The following R3HDM1 variants were observed in gnomAD, a reference collection of about 807,000 sequenced individuals.
R3HDM1 encodes R3H domain containing 1.
Under a neutral mutation model 141.1 loss-of-function variants are expected in R3HDM1, and 46 were observed. The ratio of observed to expected loss-of-function variants is 0.33; its 90% CI spans 0.26 to 0.42. The LOEUF (loss-of-function observed/expected upper bound fraction) is 0.42, where lower values mean the gene tolerates loss of function less well. Ranked by LOEUF, R3HDM1 falls within the 10% of genes least tolerant of loss-of-function variation. R3HDM1 has a pLI of 1.00. For synonymous variants in R3HDM1, 435 were observed against 472.9 expected (o/e 0.92, Z 1.04); for missense variants, 1,184 against 1,368.3 (o/e 0.87, Z 2.12).
chr2:135,634,921 A>C (rs1208871433), intron 9 of R3HDM1, among the ~76,000 whole-genome samples: 1 of 152,148 alleles, frequency 6.6e-6, no homozygotes, highest in Non-Finnish European at 1.5e-5. Context: ...GTTGAAGCTG[A>C]GAATGTATTT....
chr2:135,612,662 C>T (rs1188959347), intron 3 of R3HDM1, among the ~76,000 whole-genome samples: 3 of 152,134 alleles, frequency 2.0e-5, no homozygotes, highest in African/African-American at 7.2e-5. Context: ...GTCCCTAAGC[C>T]TTCTAAATTC....
At chr2:135,581,960 T>C (rs946960650) in intron 1 of R3HDM1, among the ~76,000 whole-genome samples, 33 of 152,204 alleles carry the variant, frequency 2.2e-4, no homozygotes, top group African/African-American at 8.0e-4. Context: ...TTCCTCAGAA[T>C]TTTAAGGACT....
At chr2:135,599,058 A>G (rs1166173966) in intron 1 of R3HDM1, among the ~76,000 whole-genome samples, 2 of 152,186 alleles carry the variant, frequency 1.3e-5, no homozygotes, top group African/African-American at 2.4e-5. Context: ...TTATAAAAAG[A>G]TTTCCTATAT....
intron 1 of R3HDM1, among the ~76,000 whole-genome samples, chr2:135,602,297 A>G (rs1395111930): frequency 5.3e-5 from 8 of 151,996 alleles, no homozygotes; most frequent in African/African-American, 7.3e-5. Context: ...TAACTAATCA[A>G]TCCTCTCGGC....
rs76022761 is a variant in R3HDM1 at position 135,563,499 on chromosome 2, A to G, written c.-250+31866A>G. Among the ~76,000 whole-genome samples the G allele has an allele frequency of 3.2e-3, 481 of 152,242 alleles. 2 individuals are homozygous for G. The highest frequency in any genetic ancestry group is 0.011 in the African/African-American group (453 of 41,544). ...AGGGTGATTTATTTGATTTTATTGT[A>G]TACTTTTTGGCTCTTTAGTAGCCAT... On this transcript the variant is annotated intron_variant, in intron 1 of 26. Transcript: ENST00000683871.
chr2:135,685,597 G>A (rs1337671900), intron 21 of R3HDM1, among the ~76,000 whole-genome samples: 1 of 152,042 alleles, frequency 6.6e-6, no homozygotes, highest in African/African-American at 2.4e-5. Context: ...GTCTTCTGCT[G>A]TTTTCTCAGA....
At chr2:135,712,650 G>A (rs536143786) in intron 23 of R3HDM1, among the ~76,000 whole-genome samples, 5 of 152,002 alleles carry the variant, frequency 3.3e-5, no homozygotes, top group Non-Finnish European at 5.9e-5. Context: ...GGCCGGGCAC[G>A]ATGGCTCACG....
At chr2:135,657,076 A>G (rs2105295483) in intron 18 of R3HDM1, among the ~76,000 whole-genome samples, 1 of 151,754 alleles carries the variant, frequency 6.6e-6, no homozygotes, top group African/African-American at 2.4e-5. Context: ...CTTCTGGGCC[A>G]CAGAGCAAGA....
chr2:135,638,519 C>A (rs2063481231), intron 11 of R3HDM1, 99 bp from the exon 12 acceptor site: 2 of 1,234,078 alleles, frequency 1.6e-6, no homozygotes, highest in Non-Finnish European at 2.3e-6. Flanking sequence ...TTTTAACTTA[C>A]ATTATTACAC....
intron 1 of R3HDM1, 119 bp downstream of exon 1, chr2:135,531,752 G>A (rs1279107621): frequency 1.0e-6 from 1 of 985,806 alleles, no homozygotes; most frequent in Non-Finnish European, 1.2e-6. Context: ...GAGAGATGTG[G>A]TGTGTGGAAA....
At chr2:135,655,336 A>C (rs1407348203) in intron 18 of R3HDM1, among the ~76,000 whole-genome samples, 1 of 152,122 alleles carries the variant, frequency 6.6e-6, no homozygotes, top group African/African-American at 2.4e-5. Context: ...CCATAAATGT[A>C]AGGGTTTTTT....
rs766485867 is a variant in R3HDM1 at position 135,651,938 on chromosome 2, A to T, written c.1934A>T (p.Gln645Leu). The change falls in exon 18 of 27, where the codon CAG (glutamine) becomes CTG (leucine). Residue 645 changes from glutamine to leucine, a missense_variant. Around this residue, in one of 5 missense-constraint regions of R3HDM1, gnomAD observed 563 missense variants for 562.0 expected, o/e 1.00. Coordinates refer to ENST00000683871, the MANE Select transcript of R3HDM1 (RefSeq NM_001378107.1). ...PPPPPPLPPG[Q>L]PVPTAGYPAS... ...CCTCCTCCTCCCCTACCACCTGGGC[A>T]GCCAGTCCCTACTGCTGGATATCCT... 3.1e-6 allele frequency: 5 copies of T among 1,601,546 alleles called. No individual in the cohort carries two copies. The highest frequency in any genetic ancestry group is 4.3e-6 in the Non-Finnish European group (5 of 1,173,688).
At chr2:135,653,444 A>G (rs1012870468) in intron 18 of R3HDM1, among the ~76,000 whole-genome samples, 3 of 151,262 alleles carry the variant, frequency 2.0e-5, no homozygotes, top group Non-Finnish European at 2.9e-5. Context: ...AATGCTATAA[A>G]TTTCTTTTTT....
chr2:135,711,963 TAAAAAAAAAAAAAA>T (rs35616482), intron 23 of R3HDM1, among the ~76,000 whole-genome samples: 1 of 85,108 alleles, frequency 1.2e-5, no homozygotes, highest in Non-Finnish European at 2.1e-5. Context: ...TGTCTAAAAT[TAAAAAAAAAAAAAA>T]AAAAAAAAAA....
intron 20 of R3HDM1, among the ~76,000 whole-genome samples, chr2:135,679,530 A>G (rs994086072): frequency 6.6e-6 from 1 of 152,190 alleles, no homozygotes; most frequent in Non-Finnish European, 1.5e-5. Flanking sequence ...TCTCACTGCC[A>G]TCCTGCCTGA....
At chr2:135,723,425 C>T (rs931722751) in intron 26 of R3HDM1, among the ~76,000 whole-genome samples, 12 of 151,758 alleles carry the variant, frequency 7.9e-5, no homozygotes, top group African/African-American at 2.9e-4. Flanking sequence ...GTAGCTTTAA[C>T]ACTATTAGCC....
intron 1 of R3HDM1, among the ~76,000 whole-genome samples, chr2:135,548,578 G>GC (rs373614205): frequency 3.4e-5 from 5 of 149,122 alleles, no homozygotes; most frequent in East Asian, 3.9e-4. Flanking sequence ...CCCAGTCATC[G>GC]CCCCCCCACC....
intron 1 of R3HDM1, among the ~76,000 whole-genome samples, chr2:135,597,549 A>G (rs952884363): frequency 3.3e-5 from 5 of 152,208 alleles, no homozygotes; most frequent in Admixed American, 3.3e-4. Flanking sequence ...AACCTCAGGG[A>G]GAACTTGATA....
At chr2:135,557,907 G>A (rs1701081884) in intron 1 of R3HDM1, among the ~76,000 whole-genome samples, 1 of 151,926 alleles carries the variant, frequency 6.6e-6, no homozygotes, top group Non-Finnish European at 1.5e-5. Flanking sequence ...AAAAAACATG[G>A]GCCCATGTAC....
Sources: allele counts gnomAD v4.1 joint callset (sites outside exome capture counted in the v4.1 genomes callset), GRCh38; gene constraint gnomAD v4.1.1; regional missense constraint gnomAD v4.1.1; transcripts MANE v1.5; gene names NCBI Gene and HGNC (gene_info 2026-07-23, HGNC 2026-07-21).